Variants in HS2ST1 observed in about 807,000 individuals in gnomAD.
HS2ST1 encodes 2-O-sulfotransferase.
HS2ST1 carries 18 observed loss-of-function variants against 42.9 expected under a neutral mutation model. That is an observed-to-expected ratio of 0.42 (90% CI 0.29 to 0.62). The LOEUF (loss-of-function observed/expected upper bound fraction) is 0.62, where lower values mean the gene tolerates loss of function less well. Ranked by LOEUF, HS2ST1 falls within the 20% of genes least tolerant of loss-of-function variation. The pLI is 0.21. For missense variants in HS2ST1, 334 were observed against 433.8 expected (o/e 0.77, Z 2.04); for synonymous variants, 146 against 152.9 (o/e 0.95, Z 0.33).
intron 1 of HS2ST1, among the ~76,000 whole-genome samples, chr1:87,060,340 AAGGTAGTTC>A (rs1651086009): frequency 6.6e-6 from 1 of 152,170 alleles, no homozygotes; most frequent in Non-Finnish European, 1.5e-5. Flanking sequence ...TTGCAAAAAA[AAGGTAGTTC>A]TATAATATTG....
chr1:86,939,774 G>A (rs1045600448), intron 1 of HS2ST1, among the ~76,000 whole-genome samples: 16 of 152,190 alleles, frequency 1.1e-4, no homozygotes, highest in Non-Finnish European at 2.9e-5. Context: ...TCATGAATGT[G>A]TAAAATGATA....
At chr1:87,057,413 T>G (rs1212258204) in intron 1 of HS2ST1, among the ~76,000 whole-genome samples, 1 of 152,132 alleles carries the variant, frequency 6.6e-6, no homozygotes, top group African/African-American at 2.4e-5. Context: ...TTCTGCCTTA[T>G]GTTTTACCTT....
chr1:86,920,124 T>A (rs1660263018), intron 1 of HS2ST1, among the ~76,000 whole-genome samples: 1 of 152,362 alleles, frequency 6.6e-6, no homozygotes, highest in South Asian at 2.1e-4. Flanking sequence ...GGTTTTAGCA[T>A]TGTAAATAAT....
rs970833782 is a variant in HS2ST1, at chr1:87,105,048, C to T, written c.*352C>T. Reference sequence around the variant, plus strand: ...TGTTTTTGATAAAGCATTTTTTCAACTAACCATGAATTAAGATGAGTCCAT... The same window carrying T: ...TGTTTTTGATAAAGCATTTTTTCAATTAACCATGAATTAAGATGAGTCCAT... On this transcript the variant is annotated 3_prime_UTR_variant, in exon 7 of 7. Transcript: ENST00000370550. The T allele has an allele frequency of 9.6e-6, 2 of 208,816 alleles. No homozygotes were observed. Among genetic ancestry groups the T allele is most frequent in the Non-Finnish European group, 1.9e-5 (2 of 103,346 alleles). The allele number at this position is 208,816 out of a possible 1,614,324, so 12.9% of individuals were successfully genotyped here. A position where few individuals can be genotyped will look rare whatever the true frequency, so the allele number is the denominator to read the frequency against.
At chr1:87,038,650 CTATT>C (rs1013541452) in intron 1 of HS2ST1, among the ~76,000 whole-genome samples, 84 of 152,212 alleles carry the variant, frequency 5.5e-4, no homozygotes, top group African/African-American at 1.9e-3. Flanking sequence ...TCTTGAAGAT[CTATT>C]TAAGTTACAT....
intron 1 of HS2ST1, among the ~76,000 whole-genome samples, chr1:87,031,174 C>T (rs900024959): frequency 1.3e-5 from 2 of 152,106 alleles, no homozygotes; most frequent in African/African-American, 4.8e-5. Flanking sequence ...CTCCTGGCCT[C>T]AAGCAATCTG....
intron 1 of HS2ST1, chr1:87,045,807 T>C (rs1650640871): frequency 9.9e-6 from 8 of 806,148 alleles, no homozygotes; most frequent in Non-Finnish European, 1.5e-5. Context: ...TGCATATGGG[T>C]CATCCTTATC....
chr1:86,967,028 A>T (rs112064193), intron 1 of HS2ST1, among the ~76,000 whole-genome samples: 12 of 152,030 alleles, frequency 7.9e-5, no homozygotes, highest in African/African-American at 2.9e-4. Context: ...AGTAGCTGGG[A>T]TTACAGGCAT....
chr1:87,001,332 T>C (rs1185912652), intron 1 of HS2ST1, among the ~76,000 whole-genome samples: 3 of 152,218 alleles, frequency 2.0e-5, no homozygotes, highest in African/African-American at 7.2e-5. Flanking sequence ...AAGTTTCAAA[T>C]CTTTATTTAC....
At chr1:86,979,195 T>G in intron 1 of HS2ST1, among the ~76,000 whole-genome samples, 1 of 152,240 alleles carries the variant, frequency 6.6e-6, no homozygotes, top group East Asian at 1.9e-4. Context: ...TTATTTTTCA[T>G]TGTAATAAAA....
chr1:87,039,906 T>C (rs994313187), intron 1 of HS2ST1, among the ~76,000 whole-genome samples: 1 of 152,196 alleles, frequency 6.6e-6, no homozygotes, highest in African/African-American at 2.4e-5. Flanking sequence ...GGAGTGACAG[T>C]ATTCAATGCA....
At chr1:87,007,939 A>C (rs1194564114) in intron 1 of HS2ST1, among the ~76,000 whole-genome samples, 2 of 152,248 alleles carry the variant, frequency 1.3e-5, no homozygotes, top group East Asian at 3.9e-4. Flanking sequence ...CTATCTTCTT[A>C]TTTGCAAATT....
rs1013289975 is a variant in HS2ST1, at chr1:87,044,849, G to A, written c.125-28085G>A. The A allele has an allele frequency of 3.7e-5, 32 of 861,622 alleles. No homozygotes were observed. In the African/African-American group the frequency reaches 5.0e-4, roughly 13 times the overall value. The allele number at this position is 861,622 out of a possible 1,614,324, so 53.4% of individuals were successfully genotyped here. ...CACTGGTGTCCATTTTTTCCCCTTT[G>A]GAACAAAGGACATAACAAATAATCT... is the stretch of plus-strand genomic sequence containing the variant. On this transcript the variant is annotated intron_variant, in intron 1 of 6. Coordinates refer to ENST00000370550, the MANE Select transcript of HS2ST1 (RefSeq NM_012262.4).
At chr1:86,947,299 G>T (rs1647370294) in intron 1 of HS2ST1, among the ~76,000 whole-genome samples, 1 of 152,142 alleles carries the variant, frequency 6.6e-6, no homozygotes, top group African/African-American at 2.4e-5. Flanking sequence ...TCTCCTAATA[G>T]GCATTATATT....
chr1:87,010,601 T>C (rs1649570533), intron 1 of HS2ST1, among the ~76,000 whole-genome samples: 1 of 152,172 alleles, frequency 6.6e-6, no homozygotes, highest in African/African-American at 2.4e-5. Context: ...TTTTTCATGT[T>C]AGATATTTTC....
Position 87,109,068 on chromosome 1 carries a change from T to G in HS2ST1, c.*4372T>G, listed in dbSNP as rs1652403540. ...TCCAACTTGAAACCATTTTGTCACA[T>G]CTGTTGGAGAGATAATCACTCCTTT... On this transcript the variant is annotated 3_prime_UTR_variant, in exon 7 of 7. Coordinates refer to ENST00000370550, the MANE Select transcript of HS2ST1 (RefSeq NM_012262.4). The G allele has an allele frequency of 1.3e-5, 2 of 152,528 alleles. No homozygotes were observed. Among genetic ancestry groups the G allele is most frequent in the Admixed American group, 1.3e-4 (2 of 15,250 alleles). 9.4% of individuals were successfully genotyped at this position (152,528 alleles called of 1,614,324 possible).
chr1:87,027,802 C>A (rs942928144), intron 1 of HS2ST1, among the ~76,000 whole-genome samples: 1 of 152,184 alleles, frequency 6.6e-6, no homozygotes, highest in African/African-American at 2.4e-5. Context: ...GATTCTTTTG[C>A]CTCAGCCTCC....
At chr1:86,965,901 A>G (rs1648032999) in intron 1 of HS2ST1, among the ~76,000 whole-genome samples, 1 of 152,246 alleles carries the variant, frequency 6.6e-6, no homozygotes, top group Admixed American at 6.5e-5. Context: ...AGTGTCTACT[A>G]ATACCAGAAG....
At chr1:86,941,242 A>T (rs1660757095) in intron 1 of HS2ST1, among the ~76,000 whole-genome samples, 1 of 152,016 alleles carries the variant, frequency 6.6e-6, no homozygotes, top group Non-Finnish European at 1.5e-5. Context: ...TTTCCCTTTC[A>T]TTCTTCTCTG....
Sources: allele counts gnomAD v4.1 joint callset (sites outside exome capture counted in the v4.1 genomes callset), GRCh38; gene constraint gnomAD v4.1.1; transcripts MANE v1.5; gene names NCBI Gene and HGNC (gene_info 2026-07-23, HGNC 2026-07-21).